NDUFS2: variants seen among roughly 807,000 people sequenced by gnomAD.
NDUFS2 encodes the protein NADH dehydrogenase [ubiquinone] iron-sulfur protein 2, mitochondrial.
NDUFS2 carries 38 observed loss-of-function variants against 69.6 expected under a neutral mutation model. The ratio of observed to expected loss-of-function variants is 0.55; its 90% CI spans 0.42 to 0.72. The LOEUF (loss-of-function observed/expected upper bound fraction) is 0.72. Ranked by LOEUF, NDUFS2 falls within the 30% of genes least tolerant of loss-of-function variation. The pLI is 0.00. For synonymous variants in NDUFS2, 194 were observed against 211.2 expected, an observed-to-expected ratio of 0.92 and a Z score of 0.70; for missense variants, 468 against 595.0, an observed-to-expected ratio of 0.79 and a Z score of 2.22.
intron 2 of NDUFS2, chr1:161,203,911 T>C (rs1474977162): frequency 5.8e-6 from 2 of 345,092 alleles, no homozygotes; most frequent in East Asian, 1.4e-4. Flanking sequence ...TCCAGCTGAT[T>C]TCTAAGTGCT....
At chr1:161,209,397 AGT>A in intron 4 of NDUFS2, 84 bp downstream of exon 4, 1 of 1,609,586 alleles carries the variant, frequency 6.2e-7, no homozygotes, top group Non-Finnish European at 8.5e-7. Context: ...ACCCAAGCTT[AGT>A]GTTCAGACCC....
chr1:161,200,545 G>A (rs895893843), upstream of NDUFS2, among the ~76,000 whole-genome samples: 4 of 151,904 alleles, frequency 2.6e-5, no homozygotes, highest in South Asian at 4.2e-4. Context: ...TATCATATCC[G>A]TCAGAATACT....
Position 161,209,240 on chromosome 1 carries a change from C to T in NDUFS2, c.441C>T (p.Asn147=), listed in dbSNP as rs140324736. 35 of 1,614,012 alleles carry T rather than the reference C, an allele frequency of 2.2e-5. No individual in the cohort carries two copies. Among genetic ancestry groups the T allele is most frequent in the South Asian group, 3.3e-5 (3 of 91,086 alleles). Residue 147 remains asparagine, a synonymous_variant, in exon 4 of 14, where the codon AAC becomes AAT. Coordinates refer to ENST00000676972, the MANE Select transcript of NDUFS2 (RefSeq NM_001377299.1). The part of the protein sequence containing the change: ...DRLDYVSMMC[N]EQAYSLAVEK... ...TAGACTATGTGTCCATGATGTGTAA[C>T]GAACAGGCCTATTCTCTAGCTGTGG... is the stretch of plus-strand genomic sequence containing the variant.
upstream of NDUFS2, chr1:161,198,043 G>A (rs114749477): frequency 4.4e-6 from 7 of 1,597,578 alleles, no homozygotes; most frequent in African/African-American, 4.0e-5. The surrounding 1 kb of genome is among the most constrained non-coding windows in gnomAD (Gnocchi z 4.7). Flanking sequence ...GAGCCTTGAC[G>A]TTGCACATGG....
Position 161,204,895 on chromosome 1 carries a change from A to G in NDUFS2, c.202+1352A>G, listed in dbSNP as rs112327350. 4.2e-3 allele frequency among the ~76,000 whole-genome samples: 636 copies of G among 152,274 alleles called. 5 individuals carry two copies. The highest frequency in any genetic ancestry group is 0.015 in the African/African-American group (611 of 41,536). On this transcript the variant is annotated intron_variant, in intron 2 of 13. Transcript: ENST00000676972. ...GTGAAACCCCGCCTCTACTAAAAATACAGAAATTAGCCAGGCGTGGTGGCA... is the reference window on the plus strand; with the variant it reads ...GTGAAACCCCGCCTCTACTAAAAATGCAGAAATTAGCCAGGCGTGGTGGCA...
chr1:161,200,659 C>G (rs893504447), upstream of NDUFS2, among the ~76,000 whole-genome samples: 1 of 152,102 alleles, frequency 6.6e-6, no homozygotes, highest in Non-Finnish European at 1.5e-5. Flanking sequence ...ACCTCTTGAC[C>G]CACCACTTGC....
upstream of NDUFS2, among the ~76,000 whole-genome samples, chr1:161,200,498 C>T (rs2102023834): frequency 2.6e-5 from 4 of 152,210 alleles, no homozygotes; most frequent in Admixed American, 2.6e-4. Flanking sequence ...CCTCTATTCC[C>T]CTATTCACTC....
At chr1:161,210,450 A>G in intron 8 of NDUFS2, 61 bp downstream of exon 8, 2 of 1,598,480 alleles carry the variant, frequency 1.3e-6, no homozygotes, top group Non-Finnish European at 8.6e-7. Context: ...GTTCCAGCCT[A>G]ATATCTTGTC....
At chr1:161,210,076 T>A in intron 6 of NDUFS2, 35 bp from the exon 7 acceptor site, 1 of 1,605,402 alleles carries the variant, frequency 6.2e-7, no homozygotes, top group Non-Finnish European at 8.5e-7. Context: ...GTGAAGGCTA[T>A]GCCACATTCA....
upstream of NDUFS2, chr1:161,198,068 G>C (rs759762977): frequency 1.2e-6 from 2 of 1,610,588 alleles, no homozygotes; most frequent in Non-Finnish European, 1.7e-6. The surrounding 1 kb of genome is among the most constrained non-coding windows in gnomAD (Gnocchi z 4.7). Context: ...TTGACCGCTG[G>C]CAGGACTCTT....
intron 5 of NDUFS2, 88 bp from the exon 6 acceptor site, chr1:161,209,769 C>A: frequency 6.9e-7 from 1 of 1,458,748 alleles, no homozygotes; most frequent in Non-Finnish European, 9.5e-7. Context: ...GTTGGTTGGG[C>A]ACAAGAAGGC....
At chr1:161,208,346 G>C (rs1347361283) in intron 3 of NDUFS2, among the ~76,000 whole-genome samples, 2 of 151,858 alleles carry the variant, frequency 1.3e-5, no homozygotes, top group Non-Finnish European at 2.9e-5. Context: ...TGTTGCCTAG[G>C]CTAGAATGCA....
chr1:161,201,823 T>G (rs1405805698), upstream of NDUFS2, among the ~76,000 whole-genome samples: 1 of 152,192 alleles, frequency 6.6e-6, no homozygotes, highest in Non-Finnish European at 1.5e-5. Flanking sequence ...TGTTTTGGTT[T>G]GGCGGGAGCT....
intron 3 of NDUFS2, among the ~76,000 whole-genome samples, chr1:161,208,141 C>G (rs1040413679): frequency 6.6e-6 from 1 of 151,830 alleles, no homozygotes. Context: ...CTCACCACCA[C>G]GCCCAGCTAA....
intron 11 of NDUFS2, 38 bp from the exon 12 acceptor site, chr1:161,213,611 C>A: frequency 6.2e-7 from 1 of 1,602,696 alleles, no homozygotes. Flanking sequence ...AAATACTCTT[C>A]ATGTTAATAC....
In NDUFS2 at chr1:161,202,449, G is replaced by T; in HGVS notation, c.64G>T (p.Ala22Ser). The change falls in exon 1 of 14, where the codon GCT (alanine) becomes TCT (serine). Residue 22 changes from alanine (A) to serine (S), a missense_variant. By Grantham distance (99) the Ala-to-Ser change is moderately conservative. Coordinates refer to ENST00000676972, the MANE Select transcript of NDUFS2 (RefSeq NM_001377299.1). ...GVAAQVLRPG[A>S]GVRLPIQPSR... The stretch of plus-strand genomic sequence containing the variant: ...CGCGGCCCAGGTGCTGCGGCCTGGG[G>T]CTGGAGTCCGATTGCCGATTCAGCC... 1 of 1,612,242 alleles carries T rather than the reference G, an allele frequency of 6.2e-7. No homozygotes were observed. Among genetic ancestry groups the T allele is most frequent in the Non-Finnish European group, 8.5e-7 (1 of 1,179,552 alleles).
chr1:161,210,075 A>G (rs1665690440), intron 6 of NDUFS2, 36 bp from the exon 7 acceptor site: 4 of 1,601,082 alleles, frequency 2.5e-6, no homozygotes, highest in South Asian at 1.1e-5. Flanking sequence ...AGTGAAGGCT[A>G]TGCCACATTC....
rs1665664356 is a variant in NDUFS2, at chr1:161,209,692, G to A, written c.627+97G>A. The A allele has an allele frequency of 4.8e-6, 6 of 1,252,156 alleles. No homozygotes were observed. The South Asian group carries it at 5.1e-5, about 11-fold the overall frequency. 77.6% of individuals were successfully genotyped at this position (1,252,156 alleles called of 1,614,324 possible). A position where few individuals can be genotyped will look rare whatever the true frequency, so the allele number is the denominator to read the frequency against. On this transcript the variant is annotated intron_variant, in intron 5 of 13. Coordinates refer to ENST00000676972, the MANE Select transcript of NDUFS2 (RefSeq NM_001377299.1). Reference sequence around the variant, plus strand: ...AGATTAAAAGAAGAGAGAGAACATGGGAGAACATTTAGAGGGGGAAGGTAT... The same window carrying A: ...AGATTAAAAGAAGAGAGAGAACATGAGAGAACATTTAGAGGGGGAAGGTAT...
At chr1:161,206,198 G>A (rs1665451305) in intron 2 of NDUFS2, among the ~76,000 whole-genome samples, 1 of 152,142 alleles carries the variant, frequency 6.6e-6, no homozygotes, top group Non-Finnish European at 1.5e-5. Context: ...GAGACATAGA[G>A]TGAGATTCAT....
Sources: gnomAD v4.1 joint callset for allele counts (sites outside exome capture counted in the v4.1 genomes callset) on GRCh38, gnomAD v4.1.1 for gene constraint, Gnocchi (gnomAD v3.1) non-coding constraint, MANE v1.5 for transcripts, NCBI Gene and HGNC (gene_info 2026-07-23, HGNC 2026-07-21) for gene names.